The following SYT9 variants were observed in gnomAD, a reference collection of about 807,000 sequenced individuals.
SYT9 encodes synaptotagmin-9.
In SYT9, 22 loss-of-function variants were observed where a neutral mutation model predicts 48.4. That is an observed-to-expected ratio of 0.45 (90% confidence interval 0.32 to 0.65). The LOEUF (loss-of-function observed/expected upper bound fraction) is 0.65, where lower values mean the gene tolerates loss of function less well. SYT9 is among the 30% of genes least tolerant of loss of function. The probability of loss-of-function intolerance (pLI) is 0.03; values close to 1 mark genes in which losing one functional copy is unlikely to be tolerated. For synonymous variants in SYT9, 265 were observed against 245.0 expected (o/e 1.08, Z -0.76); for missense variants, 577 against 622.0 (o/e 0.93, Z 0.77).
At chr11:7,400,342 G>A (rs1335071528) in intron 3 of SYT9, among the ~76,000 whole-genome samples, 1 of 152,216 alleles carries the variant, frequency 6.6e-6, no homozygotes, top group African/African-American at 2.4e-5. Flanking sequence ...TATGTCAAGT[G>A]AGGGAAGAAA....
intron 6 of SYT9, among the ~76,000 whole-genome samples, chr11:7,422,138 A>G (rs1046912649): frequency 1.3e-5 from 2 of 152,174 alleles, no homozygotes; most frequent in Admixed American, 6.5e-5. Flanking sequence ...CACCCCTGCC[A>G]TTGATAGTCA....
chr11:7,336,678 C>G (rs1360379492), intron 3 of SYT9, among the ~76,000 whole-genome samples: 1 of 152,100 alleles, frequency 6.6e-6, no homozygotes, highest in Non-Finnish European at 1.5e-5. Context: ...TCTGGGCTCT[C>G]TATTCTATTC....
intron 6 of SYT9, chr11:7,438,382 C>CTT (rs1376406692): frequency 1.3e-5 from 2 of 152,272 alleles, no homozygotes; most frequent in African/African-American, 4.8e-5. Context: ...CCCATCTCAT[C>CTT]TTTGTGGCAT....
chr11:7,241,014 T>C (rs1228859530), intron 1 of SYT9, among the ~76,000 whole-genome samples: 3 of 152,178 alleles, frequency 2.0e-5, no homozygotes, highest in Non-Finnish European at 2.9e-5. Context: ...ATTCTAATTC[T>C]ACTTGGAAAG....
chr11:7,419,237 T>C (rs940061248), intron 5 of SYT9, among the ~76,000 whole-genome samples: 1 of 152,252 alleles, frequency 6.6e-6, no homozygotes, highest in African/African-American at 2.4e-5. Context: ...GTTTCCTGCA[T>C]GGACAAATCT....
rs990858665 is a variant in SYT9 at position 7,422,177 on chromosome 11, C to T, written c.1467+1542C>T. 2.6e-5 allele frequency among the ~76,000 whole-genome samples: 4 copies of T among 152,162 alleles called. No homozygotes were observed. In the South Asian group the frequency reaches 6.2e-4, roughly 24 times the overall value. On this transcript the variant is annotated intron_variant, in intron 6 of 6. Coordinates refer to ENST00000318881, the MANE Select transcript of SYT9 (RefSeq NM_175733.4). ...GAGTCTGGTTGAAGTGAACACAGGG[C>T]GGCTGTGGAGAGGCAGAGAGGCAGA...
intron 3 of SYT9, among the ~76,000 whole-genome samples, chr11:7,368,017 A>C (rs1850284552): frequency 6.6e-6 from 1 of 152,222 alleles, no homozygotes; most frequent in Non-Finnish European, 1.5e-5. Context: ...CAAATGTTTA[A>C]GTGACTTAGT....
Position 7,410,836 on chromosome 11 carries a change from C to G in SYT9, c.1045-5206C>G, listed in dbSNP as rs575089316. Reference sequence around the variant, plus strand: ...ATATATTTTAAGCAGATTATTTAATCTATTTCCATTCAATATCTCTTTTTT... The same window carrying G: ...ATATATTTTAAGCAGATTATTTAATGTATTTCCATTCAATATCTCTTTTTT... On this transcript the variant is annotated intron_variant, in intron 3 of 6. Transcript: ENST00000318881. Among the ~76,000 whole-genome samples, 3 of 152,168 alleles carry G rather than the reference C, an allele frequency of 2.0e-5. No homozygotes were observed. The South Asian group carries it at 6.2e-4, about 32-fold the overall frequency.
At chr11:7,256,245 G>A in intron 1 of SYT9, among the ~76,000 whole-genome samples, 1 of 152,258 alleles carries the variant, frequency 6.6e-6, no homozygotes, top group South Asian at 2.1e-4. Flanking sequence ...CTTTATGTAG[G>A]TCATTTCACT....
chr11:7,250,641 C>A (rs1225282346), upstream of SYT9, among the ~76,000 whole-genome samples: 1 of 152,190 alleles, frequency 6.6e-6, no homozygotes, highest in Non-Finnish European at 1.5e-5. Flanking sequence ...ACCTTTACAA[C>A]TTTGCATTTT....
intron 3 of SYT9, among the ~76,000 whole-genome samples, chr11:7,393,808 G>A (rs561802848): frequency 6.6e-6 from 1 of 151,598 alleles, no homozygotes; most frequent in African/African-American, 2.4e-5. Context: ...ATTTCTTCCT[G>A]ATTCAGTCTT....
rs761212038 is a variant in SYT9 at position 7,308,808 on chromosome 11, C to G, written c.498-4587C>G. Among the ~76,000 whole-genome samples, 4 of 152,262 alleles carry G rather than the reference C, an allele frequency of 2.6e-5. No homozygotes were observed. The East Asian group carries it at 7.7e-4, about 29-fold the overall frequency. On this transcript the variant is annotated intron_variant, in intron 2 of 6. Coordinates refer to ENST00000318881, the MANE Select transcript of SYT9 (RefSeq NM_175733.4). ...CCCATTTGACACTGCTTTGCAAATTCGAATTTGTTGAATTGCCATTACGTC... is the reference window on the plus strand; with the variant it reads ...CCCATTTGACACTGCTTTGCAAATTGGAATTTGTTGAATTGCCATTACGTC...
At chr11:7,257,032 G>C (rs1277250375) in intron 1 of SYT9, among the ~76,000 whole-genome samples, 2 of 152,136 alleles carry the variant, frequency 1.3e-5, no homozygotes, top group Admixed American at 1.3e-4. Context: ...CAATGACTGG[G>C]CTGCACCCTA....
intron 3 of SYT9, among the ~76,000 whole-genome samples, chr11:7,349,948 A>G (rs958080221): frequency 5.9e-5 from 9 of 152,246 alleles, no homozygotes; most frequent in Non-Finnish European, 1.0e-4. Context: ...ATGAGTTTGT[A>G]TCATGATTTG....
chr11:7,276,062 A>C (rs1315941812), intron 1 of SYT9, among the ~76,000 whole-genome samples: 1 of 152,194 alleles, frequency 6.6e-6, no homozygotes. Flanking sequence ...AAGTGAGTGA[A>C]TACACCATCC....
At chr11:7,402,970 TA>T (rs1846925741) in intron 3 of SYT9, among the ~76,000 whole-genome samples, 1 of 152,204 alleles carries the variant, frequency 6.6e-6, no homozygotes, top group Non-Finnish European at 1.5e-5. Flanking sequence ...ATTAGCTTTT[TA>T]GTGGCTATTT....
intron 6 of SYT9, chr11:7,435,398 A>G (rs187786626): frequency 6.6e-6 from 1 of 152,368 alleles, no homozygotes; most frequent in Non-Finnish European, 1.5e-5. Flanking sequence ...CTTCAAGCCA[A>G]TAATTCTCTA....
intron 3 of SYT9, among the ~76,000 whole-genome samples, chr11:7,400,792 G>A (rs1846874488): frequency 6.6e-6 from 1 of 152,062 alleles, no homozygotes; most frequent in Non-Finnish European, 1.5e-5. Context: ...TCCCTCAACT[G>A]CTTCTGATGT....
chr11:7,268,322 T>C (rs1848229274), intron 1 of SYT9, among the ~76,000 whole-genome samples: 1 of 151,930 alleles, frequency 6.6e-6, no homozygotes, highest in African/African-American at 2.4e-5. Flanking sequence ...AATTGTCCTC[T>C]AGAAAGGTTT....
Sources: gnomAD v4.1 joint callset for allele counts (sites outside exome capture counted in the v4.1 genomes callset) on GRCh38, gnomAD v4.1.1 for gene constraint, MANE v1.5 for transcripts, NCBI Gene and HGNC (gene_info 2026-07-23, HGNC 2026-07-21) for gene names.